Variants in ZFHX3 observed in about 807,000 individuals in gnomAD.
The protein encoded by ZFHX3 is zinc finger homeobox 3.
A neutral mutation model predicts 279.1 loss-of-function variants in ZFHX3; 42 were observed. The observed-to-expected ratio is 0.15, with a 90% CI of 0.12 to 0.19. The LOEUF (loss-of-function observed/expected upper bound fraction) is 0.19. Among genes scored for constraint, ZFHX3 ranks in the 10% least tolerant of loss-of-function variants. ZFHX3 has a pLI of 1.00. For missense variants in ZFHX3, 4,981 were observed against 4,754.0 expected, an observed-to-expected ratio of 1.05 and a Z score of -1.40; for synonymous variants, 2,293 against 1,957.8, an observed-to-expected ratio of 1.17 and a Z score of -4.52.
At chr16:72,989,210 T>C (rs1597060427) in intron 1 of ZFHX3, among the ~76,000 whole-genome samples, 1 of 148,898 alleles carries the variant, frequency 6.7e-6, no homozygotes, top group Non-Finnish European at 1.5e-5. Flanking sequence ...CAGAGCCAGG[T>C]GCGGCTGTTC....
At chr16:73,187,623 A>C (rs184460385) in intron 5 of ZFHX3, among the ~76,000 whole-genome samples, 1 of 152,216 alleles carries the variant, frequency 6.6e-6, no homozygotes, top group African/African-American at 2.4e-5. Flanking sequence ...TTTTGCTTAA[A>C]GTATCTGGTA....
chr16:73,506,094 AGAT>A (rs1354385939), intron 2 of ZFHX3, among the ~76,000 whole-genome samples: 1 of 152,190 alleles, frequency 6.6e-6, no homozygotes, highest in Non-Finnish European at 1.5e-5. Flanking sequence ...TTGCAGACAA[AGAT>A]AATAGAAACC....
intron 2 of ZFHX3, among the ~76,000 whole-genome samples, chr16:73,571,813 G>C (rs942032090): frequency 1.7e-4 from 26 of 151,998 alleles, no homozygotes; most frequent in Admixed American, 1.7e-3. Flanking sequence ...TCGTGAAAGG[G>C]GTGTCTCAAA....
intron 3 of ZFHX3, among the ~76,000 whole-genome samples, chr16:73,337,157 T>A (rs2015929370): frequency 6.6e-6 from 1 of 152,192 alleles, no homozygotes; most frequent in Admixed American, 6.5e-5. Flanking sequence ...CTTTCAATCA[T>A]CCATATGTTC....
intron 3 of ZFHX3, among the ~76,000 whole-genome samples, chr16:72,921,372 C>T (rs911744383): frequency 2.6e-5 from 4 of 152,200 alleles, no homozygotes; most frequent in African/African-American, 9.7e-5. Flanking sequence ...TGCGGCTTTC[C>T]TGTTCTTCAA....
chr16:73,586,175 G>A (rs1295539184), intron 2 of ZFHX3, among the ~76,000 whole-genome samples: 1 of 151,986 alleles, frequency 6.6e-6, no homozygotes, highest in Non-Finnish European at 1.5e-5. Flanking sequence ...GATCACCTGA[G>A]GTCAGGAGTT....
rs1597217351 is a variant in ZFHX3 at position 72,785,850 on chromosome 16, A to AAAAT, written c.*1310_*1313dup. 6.6e-6 allele frequency: 1 copy of AAAAT among 152,184 alleles called. No homozygotes were observed. The highest frequency in any genetic ancestry group is 2.4e-5 in the African/African-American group (1 of 41,446). The allele number at this position is 152,184 out of a possible 1,614,324, so 9.4% of individuals were successfully genotyped here. ...AAAAAGCCAAAAGAAGGATAAATAA[A>AAAAT]AAATAAATGCACAAAGCTAACAGAC... On this transcript the variant is annotated 3_prime_UTR_variant, in exon 10 of 10. Coordinates refer to ENST00000268489, the MANE Select transcript of ZFHX3 (RefSeq NM_006885.4).
chr16:72,795,989 C>T lies in ZFHX3; in HGVS notation c.6693G>A (p.Pro2231=), dbSNP rs752573472. The T allele has an allele frequency of 4.6e-5, 75 of 1,613,970 alleles. No homozygotes were observed. The highest frequency in any genetic ancestry group is 1.3e-4 in the East Asian group (6 of 44,876). ...CCCAGTACTCCTGCTTTGGAGGTTC[C>T]GGCGAAGGGGGCCGGGAGTCAATCT... The part of the protein sequence containing the change: ...ELKIDSRPPS[P]EPPKQEYWGS... Residue 2231 remains proline, a synonymous_variant, in exon 9 of 10, where the codon CCG becomes CCA. Transcript: ENST00000268489.
chr16:72,889,347 C>T (rs962437718), intron 4 of ZFHX3, among the ~76,000 whole-genome samples: 2 of 151,940 alleles, frequency 1.3e-5, no homozygotes, highest in Non-Finnish European at 2.9e-5. Flanking sequence ...CAATTTGAAC[C>T]AATAAATTGA....
intron 2 of ZFHX3, among the ~76,000 whole-genome samples, chr16:73,621,236 G>A (rs754875586): frequency 5.3e-5 from 8 of 152,002 alleles, no homozygotes; most frequent in African/African-American, 9.7e-5. Context: ...CTTCCGCAGC[G>A]TTACCTACGA....
At chr16:73,633,453 A>G (rs1177283041) in intron 2 of ZFHX3, among the ~76,000 whole-genome samples, 4 of 152,244 alleles carry the variant, frequency 2.6e-5, no homozygotes, top group African/African-American at 9.6e-5. Flanking sequence ...CAAAAATGAT[A>G]AAACCACCCT....
At chr16:72,918,635 C>T (rs558393678) in intron 3 of ZFHX3, among the ~76,000 whole-genome samples, 1 of 151,494 alleles carries the variant, frequency 6.6e-6, no homozygotes, top group African/African-American at 2.4e-5. Context: ...CCCTGGACTC[C>T]TTTGTATAAA....
chr16:72,830,765 G>A (rs900173819), intron 4 of ZFHX3, among the ~76,000 whole-genome samples: 3 of 152,160 alleles, frequency 2.0e-5, no homozygotes, highest in Non-Finnish European at 2.9e-5. Context: ...CTGGCCCTCC[G>A]AAACATTATC....
intron 1 of ZFHX3, among the ~76,000 whole-genome samples, chr16:73,762,290 C>T (rs2053877552): frequency 1.3e-5 from 2 of 152,162 alleles, no homozygotes; most frequent in Non-Finnish European, 2.9e-5. Context: ...GAGATACCAT[C>T]TCATGCCAGT....
At chr16:73,191,304 C>G (rs964096033) in intron 5 of ZFHX3, among the ~76,000 whole-genome samples, 2 of 152,288 alleles carry the variant, frequency 1.3e-5, no homozygotes, top group Non-Finnish European at 2.9e-5. Context: ...TGGCTCCCCC[C>G]GGCCGCCCCA....
chr16:73,120,268 T>G (rs940483133), intron 7 of ZFHX3, among the ~76,000 whole-genome samples: 1 of 152,066 alleles, frequency 6.6e-6, no homozygotes, highest in African/African-American at 2.4e-5. Flanking sequence ...TTGTTGTTGT[T>G]ATTGTTGTTA....
At chr16:73,639,363 TA>T (rs1214136157) in intron 2 of ZFHX3, among the ~76,000 whole-genome samples, 3 of 152,136 alleles carry the variant, frequency 2.0e-5, no homozygotes, top group Non-Finnish European at 4.4e-5. Flanking sequence ...TTGGAGAAGA[TA>T]AACCCATTTG....
chr16:73,351,801 G>A (rs1281087817), intron 3 of ZFHX3, among the ~76,000 whole-genome samples: 2 of 152,154 alleles, frequency 1.3e-5, no homozygotes, highest in Admixed American at 6.5e-5. Flanking sequence ...CAGGTCCATG[G>A]GGGTGACCTC....
chr16:73,694,790 C>T (rs142729727), intron 1 of ZFHX3, among the ~76,000 whole-genome samples: 3 of 152,308 alleles, frequency 2.0e-5, no homozygotes, highest in African/African-American at 4.8e-5. Flanking sequence ...TGCTCTTCAC[C>T]GCATCTCTCT....
Sources: allele counts gnomAD v4.1 joint callset (sites outside exome capture counted in the v4.1 genomes callset), GRCh38; gene constraint gnomAD v4.1.1; transcripts MANE v1.5; gene names NCBI Gene and HGNC (gene_info 2026-07-23, HGNC 2026-07-21).